The following MAGI3 variants were observed in gnomAD, a reference collection of about 807,000 sequenced individuals.
MAGI3 encodes membrane-associated guanylate kinase, WW and PDZ domain-containing protein 3.
Under a neutral mutation model 121.8 loss-of-function variants are expected in MAGI3, and 43 were observed. The ratio of observed to expected loss-of-function variants is 0.35; its 90% CI spans 0.28 to 0.46. The LOEUF (loss-of-function observed/expected upper bound fraction) is 0.46. Ranked by LOEUF, MAGI3 falls within the 20% of genes least tolerant of loss-of-function variation. MAGI3 has a pLI of 1.00. For missense variants in MAGI3, 1,547 were observed against 1,797.3 expected, an observed-to-expected ratio of 0.86 and a Z score of 2.52; for synonymous variants, 553 against 639.3, an observed-to-expected ratio of 0.86 and a Z score of 2.04.
chr1:113,682,520 T>A (rs1195407651), intron 20 of MAGI3: 1 of 1,285,414 alleles, frequency 7.8e-7, no homozygotes, highest in Non-Finnish European at 9.8e-7. Flanking sequence ...TTTTGCCATA[T>A]CCTAAACTGT....
chr1:113,592,867 C>T (rs1049565235), intron 5 of MAGI3, among the ~76,000 whole-genome samples: 4 of 152,022 alleles, frequency 2.6e-5, no homozygotes, highest in Non-Finnish European at 5.9e-5. Flanking sequence ...AAAAACTTAG[C>T]TGGGCACGGT....
At chr1:113,463,265 A>G (rs887662094) in intron 1 of MAGI3, among the ~76,000 whole-genome samples, 21 of 151,688 alleles carry the variant, frequency 1.4e-4, no homozygotes, top group Admixed American at 1.3e-3. Context: ...AGAGTCATCA[A>G]CCATTTGAAG....
At chr1:113,452,806 A>G (rs7522365) in intron 1 of MAGI3, among the ~76,000 whole-genome samples, 81,070 of 152,030 alleles carry the variant, frequency 0.53, 22,672 homozygotes, top group African/African-American at 0.68. Flanking sequence ...AACAAGGAAA[A>G]CATGACAAAG....
At chr1:113,640,122 T>C (rs1652361974) in intron 9 of MAGI3, among the ~76,000 whole-genome samples, 1 of 152,166 alleles carries the variant, frequency 6.6e-6, no homozygotes, top group Non-Finnish European at 1.5e-5. Flanking sequence ...AACAAGCATA[T>C]GAAAAAAAGC....
In MAGI3 at chr1:113,634,663, G is replaced by C. The variant is rs1651886687; in HGVS notation, c.1361-7248G>C. Reference sequence around the variant, plus strand: ...CCTTGTAGTAGGTTGAAGTCAGGTAGTGTAATGCCTCCAGCTTTGTTCTTT... The same window carrying C: ...CCTTGTAGTAGGTTGAAGTCAGGTACTGTAATGCCTCCAGCTTTGTTCTTT... On this transcript the variant is annotated intron_variant, in intron 9 of 20. Transcript: ENST00000307546. Among the ~76,000 whole-genome samples the C allele has an allele frequency of 6.6e-5, 10 of 152,306 alleles. No individual in the cohort carries two copies. In the South Asian group the frequency reaches 1.9e-3, roughly 28 times the overall value.
chr1:113,438,385 TA>T (rs1653744328), intron 1 of MAGI3, among the ~76,000 whole-genome samples: 1 of 152,224 alleles, frequency 6.6e-6, no homozygotes, highest in South Asian at 2.1e-4. Context: ...CTTCTACCCA[TA>T]AATTTAATGC....
At chr1:113,670,625 T>C (rs1251749134) in intron 16 of MAGI3, among the ~76,000 whole-genome samples, 3 of 152,324 alleles carry the variant, frequency 2.0e-5, no homozygotes, top group African/African-American at 4.8e-5. Context: ...GTGAGAGATA[T>C]CATTTTGATG....
intron 9 of MAGI3, among the ~76,000 whole-genome samples, chr1:113,624,403 A>C (rs1000999155): frequency 5.3e-5 from 8 of 152,216 alleles, no homozygotes; most frequent in Non-Finnish European, 1.2e-4. Flanking sequence ...AGCCATTTTT[A>C]ACCAGGGCAA....
At chr1:113,445,809 C>T (rs189435168) in intron 1 of MAGI3, among the ~76,000 whole-genome samples, 1 of 152,192 alleles carries the variant, frequency 6.6e-6, no homozygotes, top group African/African-American at 2.4e-5. Context: ...ACTGTCCTAC[C>T]AAAGTGAGGG....
At position 113,430,699 on chromosome 1, in the gene MAGI3, T is replaced by G. The variant is rs547860166; in HGVS notation, c.316+39350T>G. Among the ~76,000 whole-genome samples the G allele has an allele frequency of 3.9e-5, 6 of 152,330 alleles. No homozygotes were observed. The South Asian group carries it at 1.0e-3, about 26-fold the overall frequency. On this transcript the variant is annotated intron_variant, in intron 1 of 20. Transcript: ENST00000307546. ...GGCTGATTGTTCTAATAGAAGTATC[T>G]CTACATTTAAATGTCTTTGATTTCT...
chr1:113,538,356 A>G (rs1659101314), intron 1 of MAGI3, among the ~76,000 whole-genome samples: 1 of 152,230 alleles, frequency 6.6e-6, no homozygotes. Flanking sequence ...TGAAAATGAC[A>G]GTGCACAATA....
intron 1 of MAGI3, among the ~76,000 whole-genome samples, chr1:113,489,447 C>T (rs146349730): frequency 8.6e-4 from 131 of 152,296 alleles, no homozygotes; most frequent in African/African-American, 3.0e-3. Context: ...GAGAAAGAAT[C>T]AGCACAAGAA....
At chr1:113,475,339 G>T (rs1570729241) in intron 1 of MAGI3, among the ~76,000 whole-genome samples, 1 of 152,094 alleles carries the variant, frequency 6.6e-6, no homozygotes, top group East Asian at 1.9e-4. Context: ...AACACTTCCA[G>T]TTTTTCCCCA....
At chr1:113,614,886 C>A (rs77141390) in intron 7 of MAGI3, among the ~76,000 whole-genome samples, 1 of 152,012 alleles carries the variant, frequency 6.6e-6, no homozygotes. Context: ...GTTGCCTAGA[C>A]AATTAATAGC....
chr1:113,532,380 T>A (rs1158664429), intron 1 of MAGI3, among the ~76,000 whole-genome samples: 1 of 152,092 alleles, frequency 6.6e-6, no homozygotes, highest in Non-Finnish European at 1.5e-5. Context: ...TATCTTTGTC[T>A]TTATAGTGTT....
chr1:113,520,940 T>C (rs1658146239), intron 1 of MAGI3, among the ~76,000 whole-genome samples: 1 of 152,022 alleles, frequency 6.6e-6, no homozygotes, highest in Admixed American at 6.6e-5. Flanking sequence ...ATTTTTGTGC[T>C]AGAGAAAGTG....
At chr1:113,565,155 A>G (rs1660392364) in intron 2 of MAGI3, among the ~76,000 whole-genome samples, 10 of 152,114 alleles carry the variant, frequency 6.6e-5, no homozygotes, top group Admixed American at 5.9e-4. Flanking sequence ...CAACCCTGAA[A>G]TGAAATTTTA....
At position 113,391,264 on chromosome 1, in the gene MAGI3, G is replaced by A; in HGVS notation, c.231G>A (p.Thr77=). 6.3e-7 allele frequency: 1 copy of A among 1,585,414 alleles called. No homozygotes were observed. The highest frequency in any genetic ancestry group is 8.6e-7 in the Non-Finnish European group (1 of 1,166,804). Residue 77 remains threonine, a synonymous_variant, in exon 1 of 21, where the codon ACG becomes ACA. Transcript: ENST00000307546. This position sits in a 1 kb window ranked among gnomAD's most constrained non-coding sequence, Gnocchi z 4.4. The part of the protein sequence containing the change: ...PGDVLLEVNG[T]PVSGLTNRDT... ...ATGTGCTGCTGGAGGTAAACGGGAC[G>A]CCTGTCAGCGGGCTCACCAACCGGG...
At chr1:113,495,157 T>G (rs905526377) in intron 1 of MAGI3, among the ~76,000 whole-genome samples, 2 of 152,182 alleles carry the variant, frequency 1.3e-5, no homozygotes, top group Non-Finnish European at 2.9e-5. Context: ...GTTTAACTGC[T>G]AAGTGATTCG....
Sources: allele counts gnomAD v4.1 joint callset (sites outside exome capture counted in the v4.1 genomes callset), GRCh38; gene constraint gnomAD v4.1.1; non-coding constraint Gnocchi (gnomAD v3.1); transcripts MANE v1.5; gene names NCBI Gene and HGNC (gene_info 2026-07-23, HGNC 2026-07-21).